Variants in SLC9A1 observed in about 807,000 individuals in gnomAD.
SLC9A1 encodes the protein solute carrier family 9 member A1, also known as sodium/hydrogen exchanger 1.
SLC9A1 carries 22 observed loss-of-function variants against 67.9 expected under a neutral mutation model. The ratio of observed to expected loss-of-function variants is 0.32; its 90% CI spans 0.23 to 0.46. The LOEUF (loss-of-function observed/expected upper bound fraction) is 0.46, where lower values mean the gene tolerates loss of function less well. Ranked by LOEUF, SLC9A1 falls within the 20% of genes least tolerant of loss-of-function variation. The pLI, the probability that SLC9A1 is intolerant of heterozygous loss-of-function variation, is 1.00. For synonymous variants in SLC9A1, 421 were observed against 471.8 expected (o/e 0.89, Z 1.40); for missense variants, 686 against 1,094.8 (o/e 0.63, Z 5.27).
At chr1:27,148,379 G>C (rs1294306006) in intron 1 of SLC9A1, among the ~76,000 whole-genome samples, 1 of 151,972 alleles carries the variant, frequency 6.6e-6, no homozygotes, top group East Asian at 1.9e-4. Context: ...AGCCCTTCCT[G>C]CCTACAGGAG....
chr1:27,116,492 T>A (rs2083273279), intron 1 of SLC9A1, among the ~76,000 whole-genome samples: 1 of 152,202 alleles, frequency 6.6e-6, no homozygotes, highest in South Asian at 2.1e-4. Context: ...GATGTCTCCA[T>A]CCTAGGCCAA....
At chr1:27,136,779 G>A (rs1385166675) in intron 1 of SLC9A1, among the ~76,000 whole-genome samples, 4 of 152,158 alleles carry the variant, frequency 2.6e-5, no homozygotes, top group African/African-American at 9.7e-5. Context: ...ATGGAAGGAG[G>A]AGGCGGAAAA....
intron 1 of SLC9A1, among the ~76,000 whole-genome samples, chr1:27,146,569 T>C (rs911667974): frequency 1.8e-4 from 27 of 152,294 alleles, no homozygotes; most frequent in Non-Finnish European, 7.4e-5. Flanking sequence ...TAAACCCCAA[T>C]GTTTTCTAGC....
intron 2 of SLC9A1, among the ~76,000 whole-genome samples, chr1:27,110,257 G>A (rs894584243): frequency 6.6e-6 from 1 of 152,130 alleles, no homozygotes; most frequent in Admixed American, 6.6e-5. Context: ...CCTGACCTTG[G>A]GCACGTCATG....
At chr1:27,148,712 G>C (rs181299836) in intron 1 of SLC9A1, among the ~76,000 whole-genome samples, 4 of 152,174 alleles carry the variant, frequency 2.6e-5, no homozygotes, top group Admixed American at 2.6e-4. Context: ...ACAAATTTCA[G>C]TGCTAATGAG....
At chr1:27,102,221 AC>A in intron 8 of SLC9A1, 91 bp from the exon 9 acceptor site, 2 of 1,354,490 alleles carry the variant, frequency 1.5e-6, no homozygotes, top group Non-Finnish European at 2.1e-6. Context: ...CCTAGGGATG[AC>A]CCAGGTGGGC....
chr1:27,147,299 CAAAAAAAAAA>C (rs57583944), intron 1 of SLC9A1, among the ~76,000 whole-genome samples: 5 of 43,958 alleles, frequency 1.1e-4, no homozygotes, highest in Non-Finnish European at 1.6e-4. Flanking sequence ...GACTCTGTCT[CAAAAAAAAAA>C]AAAAAAAAAA....
At chr1:27,116,361 G>A (rs2083272268) in intron 1 of SLC9A1, among the ~76,000 whole-genome samples, 1 of 151,820 alleles carries the variant, frequency 6.6e-6, no homozygotes, top group African/African-American at 2.4e-5. Flanking sequence ...CTCCAGCCTG[G>A]GCAACAGAGC....
Position 27,114,220 on chromosome 1 carries a change from A to C in SLC9A1, c.419T>G (p.Leu140Arg). ...ACCCTTGATCAGGCCCCCCACCAGC[A>C]GCCCCACCACGATCAGCAGGCAGCT... ...PESCLLIVVGLLVGGLIKGVG... is the reference protein window; with the variant it reads ...PESCLLIVVGRLVGGLIKGVG... Residue 140 changes from leucine to arginine, a missense_variant, in exon 2 of 12, where the codon CTG becomes CGG. By Grantham distance (102) the Leu-to-Arg change is moderately radical. Coordinates refer to ENST00000263980, the MANE Select transcript of SLC9A1 (RefSeq NM_003047.5). This position sits in a 1 kb window ranked among gnomAD's most constrained non-coding sequence, Gnocchi z 5.4. 6.2e-7 allele frequency: 1 copy of C among 1,614,056 alleles called. No individual in the cohort carries two copies. The highest frequency in any genetic ancestry group is 1.1e-5 in the South Asian group (1 of 91,078).
rs2083428896 is a variant in SLC9A1 at position 27,137,806 on chromosome 1, C to T, written c.352+16177G>A. Reference sequence around the variant, plus strand: ...CAAGGGAGGGGTGGCCAGCAGGAGTCCAGCAGAGCCTGGTGCCCACTCAGC... The same window carrying T: ...CAAGGGAGGGGTGGCCAGCAGGAGTTCAGCAGAGCCTGGTGCCCACTCAGC... On this transcript the variant is annotated intron_variant, in intron 1 of 11. Coordinates refer to ENST00000263980, the MANE Select transcript of SLC9A1 (RefSeq NM_003047.5). The surrounding 1 kb of genome is among the most constrained non-coding windows in gnomAD (Gnocchi z 4.6). 6.6e-6 allele frequency among the ~76,000 whole-genome samples: 1 copy of T among 152,184 alleles called. No individual in the cohort carries two copies.
intron 1 of SLC9A1, among the ~76,000 whole-genome samples, chr1:27,122,666 T>A (rs1197505105): frequency 2.6e-5 from 4 of 152,192 alleles, no homozygotes; most frequent in Non-Finnish European, 5.9e-5. Context: ...CAAGGACCCA[T>A]TTCTGTAACC....
At chr1:27,144,081 A>G (rs995041681) in intron 1 of SLC9A1, among the ~76,000 whole-genome samples, 2 of 152,222 alleles carry the variant, frequency 1.3e-5, no homozygotes, top group Non-Finnish European at 2.9e-5. Context: ...CTGCCATAGA[A>G]AGGAGATTCT....
At chr1:27,131,947 AATATATATATAT>A (rs71010329) in intron 1 of SLC9A1, among the ~76,000 whole-genome samples, 11 of 52,124 alleles carry the variant, frequency 2.1e-4, no homozygotes, top group Admixed American at 9.1e-4. Context: ...AGAAAAAAAA[AATATATATATAT>A]ATATATATAT....
intron 1 of SLC9A1, among the ~76,000 whole-genome samples, chr1:27,119,465 G>A (rs923852623): frequency 6.6e-6 from 1 of 152,130 alleles, no homozygotes; most frequent in African/African-American, 2.4e-5. Context: ...ATTCCTAGTT[G>A]CACAATGATT....
chr1:27,139,017 G>A (rs566279693), intron 1 of SLC9A1, among the ~76,000 whole-genome samples: 4 of 152,180 alleles, frequency 2.6e-5, no homozygotes, highest in Admixed American at 2.6e-4. Flanking sequence ...GACAGGTGTG[G>A]TTGTGTTTGC....
At position 27,106,828 on chromosome 1, in the gene SLC9A1, A is replaced by G. The variant is rs2083188225; in HGVS notation, c.1283-741T>C. Among the ~76,000 whole-genome samples the G allele has an allele frequency of 6.6e-6, 1 of 151,984 alleles. No homozygotes were observed. The highest frequency in any genetic ancestry group is 2.4e-5 in the African/African-American group (1 of 41,332). On this transcript the variant is annotated intron_variant, in intron 4 of 11. Coordinates refer to ENST00000263980, the MANE Select transcript of SLC9A1 (RefSeq NM_003047.5). The surrounding 1 kb of genome is among the most constrained non-coding windows in gnomAD (Gnocchi z 4.3). ...TCTTGAGACAGTGCAGAGAGCACTCAGCTCAGAGTCACAGACCTGGGTTCT... is the reference window on the plus strand; with the variant it reads ...TCTTGAGACAGTGCAGAGAGCACTCGGCTCAGAGTCACAGACCTGGGTTCT...
intron 1 of SLC9A1, among the ~76,000 whole-genome samples, chr1:27,127,852 AAAAG>A (rs1475300533): frequency 6.6e-6 from 1 of 152,176 alleles, no homozygotes; most frequent in Non-Finnish European, 1.5e-5. Context: ...CAATTCTGAG[AAAAG>A]AAAGGCCTGA....
At chr1:27,133,783 G>C (rs1196167012) in intron 1 of SLC9A1, among the ~76,000 whole-genome samples, 1 of 138,464 alleles carries the variant, frequency 7.2e-6, no homozygotes, top group Non-Finnish European at 1.6e-5. Context: ...TTTTTTTTTT[G>C]GGACAGAATC....
chr1:27,154,497 G>T lies in SLC9A1; in HGVS notation c.-163C>A. Reference sequence around the variant, plus strand: ...ATGGAAGCAATTTTCTGGGGGTGGAGGGAGGCTGGGTTTGCAATCTGGAAC... The same window carrying T: ...ATGGAAGCAATTTTCTGGGGGTGGATGGAGGCTGGGTTTGCAATCTGGAAC... On this transcript the variant is annotated 5_prime_UTR_variant, in exon 1 of 12. Coordinates refer to ENST00000263980, the MANE Select transcript of SLC9A1 (RefSeq NM_003047.5). The T allele has an allele frequency of 1.9e-6, 1 of 531,242 alleles. No individual in the cohort carries two copies. Among genetic ancestry groups the T allele is most frequent in the South Asian group, 3.0e-5 (1 of 33,724 alleles). 32.9% of individuals were successfully genotyped at this position (531,242 alleles called of 1,614,324 possible). A position where few individuals can be genotyped will look rare whatever the true frequency, so the allele number is the denominator to read the frequency against.
Sources: allele counts gnomAD v4.1 joint callset (sites outside exome capture counted in the v4.1 genomes callset), GRCh38; gene constraint gnomAD v4.1.1; non-coding constraint Gnocchi (gnomAD v3.1); transcripts MANE v1.5; gene names NCBI Gene and HGNC (gene_info 2026-07-23, HGNC 2026-07-21).